The following SPAG9 variants were observed in gnomAD, a reference collection of about 807,000 sequenced individuals.
SPAG9 encodes the protein C-Jun-amino-terminal kinase-interacting protein 4.
A neutral mutation model predicts 166.5 loss-of-function variants in SPAG9; 35 were observed. The ratio of observed to expected loss-of-function variants is 0.21; its 90% CI spans 0.16 to 0.28. The LOEUF is 0.28. Ranked by LOEUF, SPAG9 falls within the 10% of genes least tolerant of loss-of-function variation. SPAG9 has a pLI of 1.00. For missense variants in SPAG9, 1,235 were observed against 1,603.3 expected (o/e 0.77, Z 3.92); for synonymous variants, 534 against 565.5 (o/e 0.94, Z 0.79).
At chr17:51,014,902 T>C (rs1296036289) in intron 8 of SPAG9, among the ~76,000 whole-genome samples, 1 of 152,028 alleles carries the variant, frequency 6.6e-6, no homozygotes, top group African/African-American at 2.4e-5. Context: ...CTATATGCCC[T>C]ATTTTGCAGG....
chr17:51,109,225 ATTTCT>A (rs1320745241), intron 1 of SPAG9, among the ~76,000 whole-genome samples: 1 of 151,188 alleles, frequency 6.6e-6, no homozygotes, highest in Non-Finnish European at 1.5e-5. Flanking sequence ...TCACATTTAA[ATTTCT>A]TTTTCTTTTT....
In SPAG9 at chr17:50,966,398, A is replaced by T. The variant is rs1441514275; in HGVS notation, c.3851-11T>A. 6.8e-7 allele frequency: 1 copy of T among 1,480,970 alleles called. No individual in the cohort carries two copies. Among genetic ancestry groups the T allele is most frequent in the African/African-American group, 1.4e-5 (1 of 72,254 alleles). The allele number at this position is 1,480,970 out of a possible 1,614,324, so 91.7% of individuals were successfully genotyped here. ...CTCCACCTTCATCACCTAGTGAATG[A>T]TAAGAAGACTCAAGTTAGGCTGAAC... On this transcript the variant is annotated splice_polypyrimidine_tract_variant and intron_variant, in intron 29 of 29. Coordinates refer to ENST00000262013, the MANE Select transcript of SPAG9 (RefSeq NM_001130528.3).
chr17:51,083,701 G>A (rs2048232683), intron 1 of SPAG9, among the ~76,000 whole-genome samples: 1 of 151,848 alleles, frequency 6.6e-6, no homozygotes, highest in Non-Finnish European at 1.5e-5. Context: ...AACTACATGT[G>A]TGAGCCACCA....
At chr17:51,017,647 A>C (rs1283943820) in intron 8 of SPAG9, among the ~76,000 whole-genome samples, 1 of 152,196 alleles carries the variant, frequency 6.6e-6, no homozygotes, top group Non-Finnish European at 1.5e-5. Context: ...CTTTATTTAT[A>C]AAATAAGGAT....
chr17:50,995,491 C>T lies in SPAG9; in HGVS notation c.2011G>A (p.Val671Met), dbSNP rs771962012. ...TCCAGAGGTCTGAGATAGACAGGCA[C>T]AGGTAAATTTTTCATCTTATTTTCA... ...QGENKMKNLP[V>M]PVYLRPLDEK... The change falls in exon 17 of 30, where the codon GTG becomes ATG. Residue 671 changes from valine (V) to methionine (M), a missense_variant. Around this residue, in one of 6 missense-constraint regions of SPAG9, gnomAD observed 493 missense variants for 559.4 expected, o/e 0.88. Transcript: ENST00000262013. The T allele has an allele frequency of 1.2e-6, 2 of 1,612,268 alleles. No homozygotes were observed. Among genetic ancestry groups the T allele is most frequent in the South Asian group, 2.2e-5 (2 of 91,004 alleles).
At chr17:50,989,513 G>C (rs1400479579) in intron 21 of SPAG9, 164 bp downstream of exon 21, 1 of 696,200 alleles carries the variant, frequency 1.4e-6, no homozygotes, top group Non-Finnish European at 2.6e-6. Flanking sequence ...TATCCAGCGA[G>C]AATGATGGAG....
At chr17:51,082,291 C>A (rs1280931827) in intron 1 of SPAG9, among the ~76,000 whole-genome samples, 1 of 144,502 alleles carries the variant, frequency 6.9e-6, no homozygotes, top group Non-Finnish European at 1.5e-5. Flanking sequence ...AGGAGAATTG[C>A]TTGAACCCAG....
chr17:51,053,681 T>C (rs1210660292), intron 3 of SPAG9, among the ~76,000 whole-genome samples: 1 of 146,826 alleles, frequency 6.8e-6, no homozygotes, highest in Non-Finnish European at 1.5e-5. Flanking sequence ...CGAGACTCCA[T>C]CACACACAAA....
intron 9 of SPAG9, among the ~76,000 whole-genome samples, chr17:51,010,062 T>C (rs368784878): frequency 6.1e-5 from 9 of 146,520 alleles, no homozygotes; most frequent in African/African-American, 2.2e-4. Flanking sequence ...ACAAGCAAAA[T>C]AAAAAAAAAA....
At chr17:51,007,564 A>T (rs1001440928) in intron 9 of SPAG9, among the ~76,000 whole-genome samples, 1 of 152,144 alleles carries the variant, frequency 6.6e-6, no homozygotes, top group Non-Finnish European at 1.5e-5. Context: ...TTAAATCTGA[A>T]TCGGCTTGCT....
chr17:51,097,646 T>C (rs1267549464), intron 1 of SPAG9, among the ~76,000 whole-genome samples: 3 of 152,126 alleles, frequency 2.0e-5, no homozygotes, highest in South Asian at 2.1e-4. Flanking sequence ...TTGGCATAAG[T>C]GTTGTCGGTA....
chr17:51,036,112 T>C (rs1297335715), intron 5 of SPAG9, among the ~76,000 whole-genome samples: 1 of 152,142 alleles, frequency 6.6e-6, no homozygotes, highest in Non-Finnish European at 1.5e-5. Flanking sequence ...TTCACTCCCT[T>C]GTCTTCAATT....
intron 1 of SPAG9, among the ~76,000 whole-genome samples, chr17:51,109,214 T>G (rs2049035751): frequency 6.6e-6 from 1 of 151,928 alleles, no homozygotes; most frequent in East Asian, 1.9e-4. Flanking sequence ...TTTTATATAT[T>G]TCACATTTAA....
intron 1 of SPAG9, among the ~76,000 whole-genome samples, chr17:51,114,754 C>A (rs2049233216): frequency 6.6e-6 from 1 of 152,152 alleles, no homozygotes; most frequent in Admixed American, 6.5e-5. Flanking sequence ...GAGTTTTACA[C>A]CACCCTGGCC....
In SPAG9 at chr17:51,005,281, A is replaced by G. The variant is rs2045160624; in HGVS notation, c.1425-18T>C. 1 of 1,611,884 alleles carries G rather than the reference A, an allele frequency of 6.2e-7. No homozygotes were observed. Among genetic ancestry groups the G allele is most frequent in the South Asian group, 1.1e-5 (1 of 90,780 alleles). On this transcript the variant is annotated intron_variant, in intron 11 of 29. Transcript: ENST00000262013. The stretch of plus-strand genomic sequence containing the variant: ...CCCGAGCTCTAGTGGGGAAAAAACA[A>G]AACAAAACATGTTATTTGAATTGAG...
intron 6 of SPAG9, among the ~76,000 whole-genome samples, chr17:51,022,805 C>T (rs1406642224): frequency 6.6e-6 from 1 of 151,352 alleles, no homozygotes; most frequent in African/African-American, 2.4e-5. Context: ...AAAAAATTAG[C>T]CGGGCATGGT....
chr17:51,072,617 G>T (rs909712737), intron 2 of SPAG9, among the ~76,000 whole-genome samples: 2 of 151,846 alleles, frequency 1.3e-5, no homozygotes, highest in Admixed American at 6.6e-5. Context: ...CTGGGAGGCG[G>T]AAGTTGCAGT....
At chr17:50,971,071 G>A (rs1412407895) in intron 28 of SPAG9, among the ~76,000 whole-genome samples, 1 of 152,172 alleles carries the variant, frequency 6.6e-6, no homozygotes, top group Admixed American at 6.5e-5. Flanking sequence ...TCACACCTTC[G>A]AGAGGCCGAA....
At chr17:51,075,182 C>CCAGAGT (rs1324019854) in intron 2 of SPAG9, among the ~76,000 whole-genome samples, 1 of 117,902 alleles carries the variant, frequency 8.5e-6, no homozygotes, top group African/African-American at 3.4e-5. Context: ...GGCAACAGAG[C>CCAGAGT]CAGACTCCAT....
Sources: gnomAD v4.1 joint callset for allele counts (sites outside exome capture counted in the v4.1 genomes callset) on GRCh38, gnomAD v4.1.1 for gene constraint, gnomAD v4.1.1 regional missense constraint, MANE v1.5 for transcripts, NCBI Gene and HGNC (gene_info 2026-07-23, HGNC 2026-07-21) for gene names.